SSH2: variants seen among roughly 807,000 people sequenced by gnomAD.
SSH2 encodes protein phosphatase Slingshot homolog 2.
In SSH2, 37 loss-of-function variants were observed where a neutral mutation model predicts 135.2. The ratio of observed to expected loss-of-function variants is 0.27; its 90% CI spans 0.21 to 0.36. The LOEUF (loss-of-function observed/expected upper bound fraction) is 0.36, where lower values mean the gene tolerates loss of function less well. SSH2 is among the 10% of genes least tolerant of loss of function. The pLI is 1.00. For missense variants in SSH2, 1,408 were observed against 1,765.3 expected (o/e 0.80, Z 3.63); for synonymous variants, 628 against 646.2 (o/e 0.97, Z 0.43).
intron 3 of SSH2, among the ~76,000 whole-genome samples, chr17:29,754,768 A>G (rs2041061298): frequency 6.6e-6 from 1 of 152,056 alleles, no homozygotes; most frequent in Admixed American, 6.6e-5. Flanking sequence ...TCTGGCTCAC[A>G]CCATCCTCCC....
chr17:29,630,655 A>G lies in SSH2; in HGVS notation c.*186T>C, dbSNP rs1490824318. ...ATAAACGGTCTTGCCATCCAGATCA[A>G]TCTCTCTTTCCCCTTACATATACAC... On this transcript the variant is annotated 3_prime_UTR_variant, in exon 16 of 16. Coordinates refer to ENST00000540801, the MANE Select transcript of SSH2 (RefSeq NM_001282129.2). 1 of 441,598 alleles carries G rather than the reference A, an allele frequency of 2.3e-6. No individual in the cohort carries two copies. 27.4% of individuals were successfully genotyped at this position (441,598 alleles called of 1,614,324 possible).
At chr17:29,921,782 A>G (rs2151486698) in intron 1 of SSH2, among the ~76,000 whole-genome samples, 1 of 152,110 alleles carries the variant, frequency 6.6e-6, no homozygotes, top group East Asian at 1.9e-4. Context: ...TCCCGACCTC[A>G]GGTGATCTGC....
chr17:29,676,967 G>T, intron 7 of SSH2, 82 bp from the exon 8 acceptor site: 1 of 1,195,538 alleles, frequency 8.4e-7, no homozygotes, highest in Non-Finnish European at 1.2e-6. Context: ...ATGTATCCCA[G>T]GCTAAAAACA....
intron 3 of SSH2, among the ~76,000 whole-genome samples, chr17:29,747,185 A>C (rs1036628290): frequency 6.6e-6 from 1 of 152,212 alleles, no homozygotes; most frequent in Non-Finnish European, 1.5e-5. Flanking sequence ...TCAAACAAAC[A>C]TATACAACAA....
chr17:29,829,820 A>G (rs1178023074), intron 2 of SSH2, among the ~76,000 whole-genome samples: 1 of 151,536 alleles, frequency 6.6e-6, no homozygotes, highest in Non-Finnish European at 1.5e-5. Flanking sequence ...TTTGTTGTCC[A>G]AGAAATAAAG....
At chr17:29,815,520 C>T (rs906091728) in intron 2 of SSH2, among the ~76,000 whole-genome samples, 3 of 152,162 alleles carry the variant, frequency 2.0e-5, no homozygotes, top group African/African-American at 7.2e-5. Context: ...CTCGGCCTCC[C>T]GAAGTGCTGA....
chr17:29,736,526 G>A (rs1044612021), intron 3 of SSH2, among the ~76,000 whole-genome samples: 1 of 152,128 alleles, frequency 6.6e-6, no homozygotes, highest in South Asian at 2.1e-4. Flanking sequence ...GGTGGCTCAC[G>A]CCTATAATCC....
intron 2 of SSH2, among the ~76,000 whole-genome samples, chr17:29,830,320 C>T (rs1434482606): frequency 1.3e-5 from 2 of 152,156 alleles, no homozygotes; most frequent in Non-Finnish European, 2.9e-5. Flanking sequence ...GTCTTCCCCA[C>T]CTAACTTTTC....
At position 29,901,023 on chromosome 17, in the gene SSH2, G is replaced by A. The variant is rs573301977; in HGVS notation, c.63+28915C>T. On this transcript the variant is annotated intron_variant, in intron 1 of 15. Transcript: ENST00000540801. ...AAACCATCATTCTCAGCAAACTATC[G>A]CAAGAACAAAAAACCAAACACCGCA... 2.8e-4 allele frequency among the ~76,000 whole-genome samples: 43 copies of A among 152,036 alleles called. 1 individual carries two copies. Among genetic ancestry groups the A allele is most frequent in the South Asian group, 2.1e-4 (1 of 4,824 alleles).
intron 14 of SSH2, among the ~76,000 whole-genome samples, chr17:29,639,408 C>T (rs1469481808): frequency 2.0e-5 from 3 of 152,024 alleles, no homozygotes; most frequent in Non-Finnish European, 4.4e-5. Context: ...ATGGGAAACT[C>T]AGCCCAAAAC....
intron 1 of SSH2, among the ~76,000 whole-genome samples, chr17:29,908,999 G>C (rs12051631): frequency 0.55 from 82,866 of 151,284 alleles, 22,991 homozygotes; most frequent in East Asian, 0.69. Context: ...ATGGTGTGAA[G>C]CCGGGAGGTG....
At chr17:29,916,030 C>A (rs1009272119) in intron 1 of SSH2, among the ~76,000 whole-genome samples, 3 of 132,482 alleles carry the variant, frequency 2.3e-5, no homozygotes, top group Non-Finnish European at 4.6e-5. Context: ...CTTTCTGTGT[C>A]CAAGTGTTCT....
At chr17:29,677,774 C>T (rs775082550) in intron 6 of SSH2, 33 bp from the exon 7 acceptor site, 2 of 1,555,954 alleles carry the variant, frequency 1.3e-6, no homozygotes, top group Non-Finnish European at 1.8e-6. Flanking sequence ...ATAGTTACTC[C>T]CCATTACTCT....
At chr17:29,919,107 CTATTTAATATCAATCTTTCTACTTCT>C (rs2066931267) in intron 1 of SSH2, among the ~76,000 whole-genome samples, 1 of 152,094 alleles carries the variant, frequency 6.6e-6, no homozygotes, top group African/African-American at 2.4e-5. Context: ...ATCTACTGAC[CTATTTAATATCAATCTTTCTACTTCT>C]ACTGTAAGCT....
At chr17:29,830,501 A>T (rs1482094353) in intron 2 of SSH2, among the ~76,000 whole-genome samples, 13 of 152,172 alleles carry the variant, frequency 8.5e-5, no homozygotes, top group Admixed American at 8.5e-4. Context: ...AATTGATCAT[A>T]ATTTAAAATT....
chr17:29,862,560 G>A (rs553329201), intron 1 of SSH2, among the ~76,000 whole-genome samples: 9 of 152,238 alleles, frequency 5.9e-5, no homozygotes, highest in Admixed American at 1.3e-4. Context: ...TGGAAGAGCC[G>A]TTACATGAAA....
At chr17:29,778,050 T>A in intron 3 of SSH2, among the ~76,000 whole-genome samples, 1 of 151,976 alleles carries the variant, frequency 6.6e-6, no homozygotes, top group East Asian at 1.9e-4. Context: ...AAAAAATAAG[T>A]ACTGCAATGA....
chr17:29,713,221 G>C lies in SSH2; in HGVS notation c.189-10159C>G, dbSNP rs181484378. On this transcript the variant is annotated intron_variant, in intron 3 of 15. Coordinates refer to ENST00000540801, the MANE Select transcript of SSH2 (RefSeq NM_001282129.2). ...GTGGTGGCATGCGCCTGTAATTCCA[G>C]CTACTCGGGAGGCTGAGGCAGGAGA... Among the ~76,000 whole-genome samples the C allele has an allele frequency of 5.3e-5, 8 of 152,206 alleles. No homozygotes were observed. The East Asian group carries it at 1.5e-3, about 29-fold the overall frequency.
intron 3 of SSH2, among the ~76,000 whole-genome samples, chr17:29,755,486 C>T (rs1347355250): frequency 4.0e-5 from 6 of 151,826 alleles, no homozygotes; most frequent in East Asian, 1.9e-4. Flanking sequence ...TACAGTAATA[C>T]CCCAGCTATT....
Sources: gnomAD v4.1 joint callset for allele counts (sites outside exome capture counted in the v4.1 genomes callset) on GRCh38, gnomAD v4.1.1 for gene constraint, MANE v1.5 for transcripts, NCBI Gene and HGNC (gene_info 2026-07-23, HGNC 2026-07-21) for gene names.